Variants in TRIM3 observed in about 807,000 individuals in gnomAD.
The protein encoded by TRIM3 is tripartite motif-containing protein 3.
Under a neutral mutation model 66.6 loss-of-function variants are expected in TRIM3, and 13 were observed. The ratio of observed to expected loss-of-function variants is 0.20; its 90% CI spans 0.13 to 0.31. The LOEUF is 0.31. Among genes scored for constraint, TRIM3 ranks in the 10% least tolerant of loss-of-function variants. The probability of loss-of-function intolerance (pLI) is 1.00; values close to 1 mark genes in which losing one functional copy is unlikely to be tolerated. For missense variants in TRIM3, 711 were observed against 1,020.4 expected (o/e 0.70, Z 4.13); for synonymous variants, 406 against 411.7 (o/e 0.99, Z 0.17).
intron 1 of TRIM3, among the ~76,000 whole-genome samples, chr11:6,472,074 T>C (rs1172952696): frequency 6.6e-6 from 1 of 152,212 alleles, no homozygotes; most frequent in Non-Finnish European, 1.5e-5. Flanking sequence ...TTCTTTCACC[T>C]TTCAGATACA....
chr11:6,457,752 A>G lies in TRIM3; in HGVS notation c.459T>C (p.Asp153=), dbSNP rs758303478. The change falls in exon 4 of 12, where the codon GAT becomes GAC. Residue 153 remains aspartate (D), a synonymous_variant. Transcript: ENST00000345851. The surrounding 1 kb of genome is among the most constrained non-coding windows in gnomAD (Gnocchi z 4.5). ...HREHGTVLLR[D]VVEQHKAALQ... ...GGGCCGCCTTGTGCTGCTCCACCAC[A>G]TCCCTCAGCAGCACTGTGCCATGCT... The G allele has an allele frequency of 2.5e-6, 4 of 1,613,880 alleles. No individual in the cohort carries two copies. Among genetic ancestry groups the G allele is most frequent in the Non-Finnish European group, 3.4e-6 (4 of 1,180,002 alleles).
chr11:6,459,338 A>G (rs929236177), intron 2 of TRIM3, among the ~76,000 whole-genome samples: 1 of 152,222 alleles, frequency 6.6e-6, no homozygotes, highest in Non-Finnish European at 1.5e-5. Context: ...AAGCTGCAAG[A>G]GAGTGGTATA....
At position 6,458,361 on chromosome 11, in the gene TRIM3, C is replaced by T. The variant is rs1010780354; in HGVS notation, c.132-65G>A. The T allele has an allele frequency of 4.3e-6, 6 of 1,385,894 alleles. No individual in the cohort carries two copies. The highest frequency in any genetic ancestry group is 6.1e-6 in the Non-Finnish European group (6 of 990,790). The allele number at this position is 1,385,894 out of a possible 1,614,324, so 85.8% of individuals were successfully genotyped here. A position where few individuals can be genotyped will look rare whatever the true frequency, so the allele number is the denominator to read the frequency against. On this transcript the variant is annotated intron_variant, in intron 2 of 11. Transcript: ENST00000345851. This position sits in a 1 kb window ranked among gnomAD's most constrained non-coding sequence, Gnocchi z 6.2. ...TGGCATAAGTGCACCCTTCCTTATA[C>T]TTCCCATGGGTGCCAACCCCTTCCC...
At position 6,456,245 on chromosome 11, in the gene TRIM3, C is replaced by T. The variant is rs1437970097; in HGVS notation, c.1429+52G>A. ...GTCATCTTGAACCTCCCTTCCCTCC[C>T]CACCCACTACCTGAGCCTGGCCCAT... is the stretch of plus-strand genomic sequence containing the variant. On this transcript the variant is annotated intron_variant, in intron 6 of 11. Coordinates refer to ENST00000345851, the MANE Select transcript of TRIM3 (RefSeq NM_033278.4). This position sits in a 1 kb window ranked among gnomAD's most constrained non-coding sequence, Gnocchi z 6.4. The T allele has an allele frequency of 1.3e-6, 2 of 1,598,222 alleles. No individual in the cohort carries two copies. Among genetic ancestry groups the T allele is most frequent in the Non-Finnish European group, 1.7e-6 (2 of 1,169,820 alleles).
chr11:6,460,799 T>A (rs1850194934), intron 2 of TRIM3, among the ~76,000 whole-genome samples: 1 of 152,186 alleles, frequency 6.6e-6, no homozygotes, highest in South Asian at 2.1e-4. Context: ...AGGATCTTAA[T>A]TAAAATCTGA....
intron 1 of TRIM3, among the ~76,000 whole-genome samples, chr11:6,468,187 G>A (rs1850546703): frequency 6.6e-6 from 1 of 152,204 alleles, no homozygotes; most frequent in East Asian, 1.9e-4. Context: ...TGAGAGGGAT[G>A]TCAATTATGA....
intron 7 of TRIM3, among the ~76,000 whole-genome samples, chr11:6,454,464 T>A (rs959820030): frequency 1.3e-5 from 2 of 151,850 alleles, no homozygotes; most frequent in Non-Finnish European, 2.9e-5. Context: ...TTTCTGTGCA[T>A]GTGAGCAGTG....
At chr11:6,465,836 T>A in intron 1 of TRIM3, 104 bp from the exon 2 acceptor site, 1 of 1,002,934 alleles carries the variant, frequency 1.0e-6, no homozygotes, top group Non-Finnish European at 1.5e-6. Context: ...ACCTCTTCCC[T>A]GCTAGGGGCA....
chr11:6,457,176 G>A lies in TRIM3; in HGVS notation c.696+120C>T. On this transcript the variant is annotated intron_variant, in intron 5 of 11. Coordinates refer to ENST00000345851, the MANE Select transcript of TRIM3 (RefSeq NM_033278.4). This position sits in a 1 kb window ranked among gnomAD's most constrained non-coding sequence, Gnocchi z 4.5. ...TGCCCACAGCACCTACCGAGGGCAT[G>A]TCAGGAGGCAGAATATCTAGGCTGG... is the stretch of plus-strand genomic sequence containing the variant. The A allele has an allele frequency of 6.6e-7, 1 of 1,516,332 alleles. No individual in the cohort carries two copies. The highest frequency in any genetic ancestry group is 8.9e-7 in the Non-Finnish European group (1 of 1,120,654). 93.9% of individuals were successfully genotyped at this position (1,516,332 alleles called of 1,614,324 possible).
At chr11:6,470,023 T>G (rs1850619424) in intron 1 of TRIM3, among the ~76,000 whole-genome samples, 1 of 152,218 alleles carries the variant, frequency 6.6e-6, no homozygotes. Flanking sequence ...GCCTTGTTGG[T>G]CTTATTAAGG....
Position 6,451,377 on chromosome 11 carries a change from T to C in TRIM3, c.1595A>G (p.Gln532Arg). 6.2e-7 allele frequency: 1 copy of C among 1,614,152 alleles called. No individual in the cohort carries two copies. Among genetic ancestry groups the C allele is most frequent in the Non-Finnish European group, 8.5e-7 (1 of 1,179,988 alleles). ...RFGVRGRSPGQLQRPTGVAVD... is the reference protein window; with the variant it reads ...RFGVRGRSPGRLQRPTGVAVD... ...TGCCACACCTGTGGGGCGCTGCAGC[T>C]GCCCAGGTGAGCGTCCTCGGACCCC... Residue 532 changes from glutamine to arginine, a missense_variant, in exon 8 of 12, where the codon CAG becomes CGG. Transcript: ENST00000345851.
In TRIM3 at chr11:6,462,399, C is replaced by CT. The variant is rs773414582; in HGVS notation, c.131+3165dup. On this transcript the variant is annotated intron_variant, in intron 2 of 11. Coordinates refer to ENST00000345851, the MANE Select transcript of TRIM3 (RefSeq NM_033278.4). ...TTACTGTGTAGCCTTGGAAATATTT[C>CT]TTTTTTTTTATTTGTTTATTTAATT... Among the ~76,000 whole-genome samples the CT allele has an allele frequency of 1.7e-3, 261 of 151,346 alleles. 1 individual carries two copies. Among genetic ancestry groups the CT allele is most frequent in the African/African-American group, 5.7e-3 (237 of 41,276 alleles).
In TRIM3 at chr11:6,456,822, C is replaced by T; in HGVS notation, c.904G>A (p.Val302Met). ...AGCACCGATCGCCGCAGACCGTCCA[C>T]CTCAAGGACCAGTTCCAGCTGTGCA... ...ENAQLELVLE[V>M]DGLRRSVLNL... The change falls in exon 6 of 12, where the codon GTG (valine) becomes ATG (methionine). Residue 302 changes from valine to methionine, a missense_variant. Coordinates refer to ENST00000345851, the MANE Select transcript of TRIM3 (RefSeq NM_033278.4). The surrounding 1 kb of genome is among the most constrained non-coding windows in gnomAD (Gnocchi z 6.4). 2 of 1,613,058 alleles carry T rather than the reference C, an allele frequency of 1.2e-6. No homozygotes were observed. Among genetic ancestry groups the T allele is most frequent in the Non-Finnish European group, 1.7e-6 (2 of 1,179,974 alleles).
rs1849609233 is a variant in TRIM3, at chr11:6,448,947, T to G, written c.*81A>C. 1 of 1,573,328 alleles carries G rather than the reference T, an allele frequency of 6.4e-7. No homozygotes were observed. The highest frequency in any genetic ancestry group is 2.3e-5 in the East Asian group (1 of 44,244). On this transcript the variant is annotated 3_prime_UTR_variant, in exon 12 of 12. Coordinates refer to ENST00000345851, the MANE Select transcript of TRIM3 (RefSeq NM_033278.4). ...AGCCCACATTCAGTGCTGCCAGGTC[T>G]GGCCCACCTCCCAGCCAGACCCTCT...
rs150077237 is a variant in TRIM3, at chr11:6,457,767, T to C, written c.444A>G (p.Thr148=). Residue 148 remains threonine, a synonymous_variant, in exon 4 of 12, where the codon ACA becomes ACG. Coordinates refer to ENST00000345851, the MANE Select transcript of TRIM3 (RefSeq NM_033278.4). The surrounding 1 kb of genome is among the most constrained non-coding windows in gnomAD (Gnocchi z 4.5). ...CRAGEHREHG[T]VLLRDVVEQH... The stretch of plus-strand genomic sequence containing the variant: ...GCTCCACCACATCCCTCAGCAGCAC[T>C]GTGCCATGCTCACGATGCTCCCCGG... 1.2e-6 allele frequency: 2 copies of C among 1,614,160 alleles called. No individual in the cohort carries two copies. Among genetic ancestry groups the C allele is most frequent in the African/African-American group, 1.3e-5 (1 of 75,044 alleles).
At chr11:6,463,814 G>A (rs966146881) in intron 2 of TRIM3, among the ~76,000 whole-genome samples, 2 of 152,206 alleles carry the variant, frequency 1.3e-5, no homozygotes, top group Non-Finnish European at 2.9e-5. Context: ...TGAAGAAACA[G>A]TTAAGAACCA....
At chr11:6,463,686 G>A (rs1390814163) in intron 2 of TRIM3, among the ~76,000 whole-genome samples, 1 of 152,164 alleles carries the variant, frequency 6.6e-6, no homozygotes, top group Non-Finnish European at 1.5e-5. Context: ...AATGGGAGTG[G>A]GGTAACGGGA....
intron 2 of TRIM3, among the ~76,000 whole-genome samples, chr11:6,463,171 C>T (rs917823910): frequency 6.6e-6 from 1 of 152,050 alleles, no homozygotes; most frequent in African/African-American, 2.4e-5. Context: ...CGCCACTGCA[C>T]TCCAGCCTGG....
chr11:6,463,232 A>G (rs1850318603), intron 2 of TRIM3, among the ~76,000 whole-genome samples: 1 of 152,140 alleles, frequency 6.6e-6, no homozygotes, highest in Admixed American at 6.5e-5. Flanking sequence ...AACAAAAAAC[A>G]AACCAAAAAA....
Sources: allele counts gnomAD v4.1 joint callset (sites outside exome capture counted in the v4.1 genomes callset), GRCh38; gene constraint gnomAD v4.1.1; non-coding constraint Gnocchi (gnomAD v3.1); transcripts MANE v1.5; gene names NCBI Gene and HGNC (gene_info 2026-07-23, HGNC 2026-07-21).